Variants in CUL4B observed in about 807,000 individuals in gnomAD.
CUL4B encodes the protein cullin-4B.
Under a neutral mutation model 69.2 loss-of-function variants are expected in CUL4B, and 1 was observed. The ratio of observed to expected loss-of-function variants is 0.01; its 90% CI spans 0.01 to 0.07. The LOEUF is 0.07. Among genes scored for constraint, CUL4B ranks in the 10% least tolerant of loss-of-function variants. The pLI is 1.00. For missense variants in CUL4B, 328 were observed against 638.8 expected (o/e 0.51, Z 5.24); for synonymous variants, 237 against 223.2 (o/e 1.06, Z -0.55).
downstream of CUL4B, among the ~76,000 whole-genome samples, chrX:120,569,743 G>A (rs1288691103): frequency 9.0e-6 from 1 of 111,546 alleles, no homozygotes; most frequent in Non-Finnish European, 1.9e-5. Flanking sequence ...CTATGAGAAC[G>A]CAGAGGTGGG....
At chrX:120,531,978 A>G (rs757744958) in intron 18 of CUL4B, among the ~76,000 whole-genome samples, 5 of 111,248 alleles carry the variant, frequency 4.5e-5, no homozygotes, top group Non-Finnish European at 9.4e-5. Flanking sequence ...AACCCAAAAA[A>G]ATCTACTTCC....
chrX:120,533,970 G>T (rs1323834870), intron 17 of CUL4B, among the ~76,000 whole-genome samples: 1 of 110,836 alleles, frequency 9.0e-6, no homozygotes, highest in Non-Finnish European at 1.9e-5. Flanking sequence ...GGAGGCAGAG[G>T]CAGGAGAATT....
Position 120,574,086 on chromosome X carries a change from C to A in CUL4B, c.67+465G>T, listed in dbSNP as rs182524611. On this transcript the variant is annotated intron_variant, in intron 2 of 2. Transcript: ENST00000486604. ...AGGTGATCCTCCCCGCCAACCCCTCCTCCCCCATCACCTGCCCCCCTCTGC... is the reference window on the plus strand; with the variant it reads ...AGGTGATCCTCCCCGCCAACCCCTCATCCCCCATCACCTGCCCCCCTCTGC... 2.0e-3 allele frequency among the ~76,000 whole-genome samples: 215 copies of A among 108,360 alleles called. 4 individuals carry two copies. The East Asian group carries it at 0.056, about 28-fold the overall frequency. The allele number at this position is 108,360 out of a possible 115,157, so 94.1% of individuals were successfully genotyped here.
intron 2 of CUL4B, among the ~76,000 whole-genome samples, chrX:120,551,750 T>A (rs1365709637): frequency 8.9e-6 from 1 of 112,520 alleles, no homozygotes; most frequent in Non-Finnish European, 1.9e-5. Flanking sequence ...TAAAAAATGC[T>A]GGTCACGAAC....
intron 15 of CUL4B, among the ~76,000 whole-genome samples, chrX:120,536,192 C>G (rs769406315): frequency 8.8e-6 from 1 of 113,128 alleles, no homozygotes; most frequent in African/African-American, 3.2e-5. Context: ...CCTGCAGCAG[C>G]TTTTGTGCCT....
intron 2 of CUL4B, among the ~76,000 whole-genome samples, chrX:120,547,815 T>C (rs1047279375): frequency 1.8e-5 from 2 of 110,968 alleles, no homozygotes; most frequent in Middle Eastern, 4.6e-3. Flanking sequence ...CCAGTGAATA[T>C]AAAGCAGGCC....
At chrX:120,566,378 T>TATATATGTATATATATGTATATATAC (rs1556253346), upstream of CUL4B, among the ~76,000 whole-genome samples, 155 of 81,654 alleles carry the variant, frequency 1.9e-3, no homozygotes, top group Non-Finnish European at 3.3e-3. Flanking sequence ...TATATATATA[T>TATATATGTATATATATGTATATATAC]ATATATATAT....
chrX:120,560,026 G>A, intron 1 of CUL4B, 57 bp downstream of exon 1: 2 of 1,210,565 alleles, frequency 1.7e-6, no homozygotes, highest in Non-Finnish European at 2.2e-6. Flanking sequence ...AATAGAGCAC[G>A]TGACCCCTCG....
intron 18 of CUL4B, 144 bp from the exon 19 acceptor site, chrX:120,530,398 G>A: frequency 1.8e-6 from 1 of 544,978 alleles, no homozygotes; most frequent in Non-Finnish European, 3.0e-6. Flanking sequence ...TATAGATGCT[G>A]ACAGAGAAAA....
chrX:120,526,941 AG>A (rs1923002422), intron 19 of CUL4B, 85 bp from the exon 20 acceptor site: 2 of 488,255 alleles, frequency 4.1e-6, no homozygotes, highest in Admixed American at 6.2e-5. Context: ...AAAAGACAAC[AG>A]TTTCGGCTCA....
Position 120,526,356 on chromosome X carries a change from A to C in CUL4B, c.*405T>G, listed in dbSNP as rs1181791157. On this transcript the variant is annotated 3_prime_UTR_variant, in exon 20 of 20. Coordinates refer to ENST00000371322, the MANE Select transcript of CUL4B (RefSeq NM_001079872.2). ...ATCCAGAACTCTGTACAGTAAATAA[A>C]GTTTGCATGCAGTTTAAGTATCTTT... 1 of 151,801 alleles carries C rather than the reference A, an allele frequency of 6.6e-6. No homozygotes were observed. The highest frequency in any genetic ancestry group is 1.3e-5 in the Non-Finnish European group (1 of 78,725). The allele number at this position is 151,801 out of a possible 1,213,427, so 12.5% of individuals were successfully genotyped here.
Position 120,547,175 on chromosome X carries a change from C to A in CUL4B, c.737G>T (p.Cys246Phe). ...ANLYKQLRQI[C>F]EDHIKAQIHQ... ...AATCTGTGCTTTGATGTGATCTTCGCAGATCTGTCTCAGCTGTTTGTACAA... is the reference window on the plus strand; with the variant it reads ...AATCTGTGCTTTGATGTGATCTTCGAAGATCTGTCTCAGCTGTTTGTACAA... Residue 246 changes from cysteine (C) to phenylalanine (F), a missense_variant, in exon 3 of 20, where the codon TGC becomes TTC. Transcript: ENST00000371322. 1 of 1,206,919 alleles carries A rather than the reference C, an allele frequency of 8.3e-7. No homozygotes were observed. Among genetic ancestry groups the A allele is most frequent in the Non-Finnish European group, 1.1e-6 (1 of 891,524 alleles).
rs1162028404 is a variant in CUL4B at position 120,526,534 on chromosome X, T to G, written c.*227A>C. The G allele has an allele frequency of 7.4e-6, 2 of 268,788 alleles. No homozygotes were observed. The highest frequency in any genetic ancestry group is 2.8e-5 in the African/African-American group (1 of 35,583). 22.2% of individuals were successfully genotyped at this position (268,788 alleles called of 1,213,427 possible). ...GTTCTTAAGTGTTTTCTGCACATCATACTAAATAACATGCAAAGAGTTCAA... is the reference window on the plus strand; with the variant it reads ...GTTCTTAAGTGTTTTCTGCACATCAGACTAAATAACATGCAAAGAGTTCAA... On this transcript the variant is annotated 3_prime_UTR_variant, in exon 20 of 20. Coordinates refer to ENST00000371322, the MANE Select transcript of CUL4B (RefSeq NM_001079872.2).
At position 120,538,248 on chromosome X, in the gene CUL4B, G is replaced by A. The variant is rs762674517; in HGVS notation, c.1853-39C>T. ...TTGTACATGTATAATATTTTAAAGT[G>A]GTAAAAACAAAAGAGGTTTAAAAGT... On this transcript the variant is annotated intron_variant, in intron 13 of 19. Coordinates refer to ENST00000371322, the MANE Select transcript of CUL4B (RefSeq NM_001079872.2). The A allele has an allele frequency of 9.7e-6, 9 of 925,074 alleles. No individual in the cohort carries two copies. In the Admixed American group the frequency reaches 1.7e-4, roughly 18 times the overall value. 76.2% of individuals were successfully genotyped at this position (925,074 alleles called of 1,213,427 possible).
intron 4 of CUL4B, 117 bp from the exon 5 acceptor site, chrX:120,545,634 T>C: frequency 2.0e-6 from 1 of 508,518 alleles, no homozygotes; most frequent in Non-Finnish European, 3.4e-6. Context: ...ATTACTAAGA[T>C]CAAACATGCA....
intron 2 of CUL4B, among the ~76,000 whole-genome samples, chrX:120,572,531 T>A (rs1309430629): frequency 9.9e-6 from 1 of 100,633 alleles, no homozygotes; most frequent in Non-Finnish European, 2.0e-5. Flanking sequence ...GACTACAAAA[T>A]AAGGTGAAAT....
intron 13 of CUL4B, chrX:120,538,426 T>C: frequency 4.8e-6 from 2 of 418,020 alleles, no homozygotes; most frequent in Non-Finnish European, 4.1e-6. Context: ...AGGTATAAAA[T>C]AAATGGGAAA....
intron 1 of CUL4B, among the ~76,000 whole-genome samples, chrX:120,558,528 G>A (rs1270670911): frequency 8.9e-6 from 1 of 111,948 alleles, no homozygotes; most frequent in Non-Finnish European, 1.9e-5. Context: ...GGTCATCATA[G>A]CTAGTCAATG....
chrX:120,538,272 G>C, intron 13 of CUL4B, 63 bp from the exon 14 acceptor site: 1 of 747,864 alleles, frequency 1.3e-6, no homozygotes, highest in South Asian at 2.4e-5. Flanking sequence ...AGGTTTAAAA[G>C]TGGGAAACAC....
Sources: allele counts gnomAD v4.1 joint callset (sites outside exome capture counted in the v4.1 genomes callset), GRCh38; gene constraint gnomAD v4.1.1; transcripts MANE v1.5; gene names NCBI Gene and HGNC (gene_info 2026-07-23, HGNC 2026-07-21).